ACOXL: variants seen among roughly 807,000 people sequenced by gnomAD.
ACOXL encodes the protein acyl-coenzyme A oxidase-like protein.
A neutral mutation model predicts 71.9 loss-of-function variants in ACOXL; 70 were observed. The observed-to-expected ratio is 0.97, with a 90% CI of 0.80 to 1.19. The LOEUF is 1.19. Ranked by LOEUF, ACOXL falls within the 50% of genes most tolerant of loss-of-function variation. ACOXL has a pLI of 0.00. For missense variants in ACOXL, 703 were observed against 736.3 expected (o/e 0.95, Z 0.52); for synonymous variants, 253 against 281.6 (o/e 0.90, Z 1.02).
chr2:111,049,344 C>T (rs1003166067), intron 16 of ACOXL, 56 bp downstream of exon 16: 1 of 1,350,210 alleles, frequency 7.4e-7, no homozygotes, highest in Non-Finnish European at 1.1e-6. Flanking sequence ...TTTTATTGCC[C>T]TGAGGAGAGT....
At chr2:110,882,463 T>A (rs1696781113) in intron 10 of ACOXL, among the ~76,000 whole-genome samples, 1 of 152,188 alleles carries the variant, frequency 6.6e-6, no homozygotes, top group Admixed American at 6.5e-5. Context: ...CAGAAGTTTT[T>A]AATTTTCATA....
intron 12 of ACOXL, among the ~76,000 whole-genome samples, chr2:110,972,297 G>A (rs1204818897): frequency 6.6e-6 from 1 of 152,108 alleles, no homozygotes; most frequent in Non-Finnish European, 1.5e-5. Context: ...AAGGAACCAG[G>A]GCATGGTCCA....
chr2:110,818,735 G>C lies in ACOXL; in HGVS notation c.753+13340G>C, dbSNP rs540759198. Among the ~76,000 whole-genome samples the C allele has an allele frequency of 8.5e-5, 13 of 152,180 alleles. No homozygotes were observed. In the East Asian group the frequency reaches 1.7e-3, roughly 20 times the overall value. On this transcript the variant is annotated intron_variant, in intron 9 of 17. Transcript: ENST00000439055. ...CTCCAGCTGGACTAAAGACATCTAA[G>C]CATTGGAGGGTGGAACATAGAAATT... is the stretch of plus-strand genomic sequence containing the variant.
At chr2:110,893,253 T>G (rs1444072081) in intron 10 of ACOXL, among the ~76,000 whole-genome samples, 1 of 152,076 alleles carries the variant, frequency 6.6e-6, no homozygotes, top group Non-Finnish European at 1.5e-5. Context: ...ATAAAGAGCT[T>G]CTATAAATAA....
At chr2:110,935,902 C>G (rs778592583) in intron 12 of ACOXL, among the ~76,000 whole-genome samples, 85 of 152,262 alleles carry the variant, frequency 5.6e-4, no homozygotes, top group Non-Finnish European at 1.1e-3. Flanking sequence ...TGAAACTGTT[C>G]TGCCTCAGAT....
intron 1 of ACOXL, among the ~76,000 whole-genome samples, chr2:110,740,481 G>A (rs189079798): frequency 5.0e-4 from 76 of 152,286 alleles, no homozygotes; most frequent in African/African-American, 7.5e-4. Flanking sequence ...CAGCCCCACA[G>A]TCACTTTTGG....
intron 14 of ACOXL, among the ~76,000 whole-genome samples, chr2:111,013,882 A>G (rs899690446): frequency 6.6e-6 from 1 of 152,240 alleles, no homozygotes; most frequent in African/African-American, 2.4e-5. Flanking sequence ...AATACATAAT[A>G]GAATACATCA....
At chr2:110,876,360 C>T (rs1276340888) in intron 10 of ACOXL, among the ~76,000 whole-genome samples, 1 of 152,180 alleles carries the variant, frequency 6.6e-6, no homozygotes, top group Non-Finnish European at 1.5e-5. Flanking sequence ...GGGAGCTCCC[C>T]CGAGGTGCCT....
At chr2:111,020,881 A>G (rs962474237) in intron 14 of ACOXL, among the ~76,000 whole-genome samples, 3 of 152,202 alleles carry the variant, frequency 2.0e-5, no homozygotes, top group Non-Finnish European at 2.9e-5. Flanking sequence ...GTAAAAGCAG[A>G]ATGTCTTTCT....
At chr2:110,891,102 T>TTTTTA (rs1697881462) in intron 10 of ACOXL, among the ~76,000 whole-genome samples, 2 of 152,184 alleles carry the variant, frequency 1.3e-5, no homozygotes, top group African/African-American at 2.4e-5. Context: ...ATACAATTAA[T>TTTTTA]TTTTGTATAT....
chr2:110,976,103 G>A (rs1053437186), intron 12 of ACOXL, among the ~76,000 whole-genome samples: 8 of 152,170 alleles, frequency 5.3e-5, no homozygotes, highest in African/African-American at 1.9e-4. Flanking sequence ...AAACAACCTG[G>A]AGAATTTCAG....
intron 11 of ACOXL, among the ~76,000 whole-genome samples, chr2:110,918,457 A>G (rs2059944451): frequency 1.3e-5 from 2 of 152,242 alleles, no homozygotes; most frequent in African/African-American, 2.4e-5. Flanking sequence ...ATCCTAGAAG[A>G]CAACCTAGGC....
chr2:110,769,898 A>C (rs1681660551), intron 2 of ACOXL, among the ~76,000 whole-genome samples: 1 of 152,024 alleles, frequency 6.6e-6, no homozygotes, highest in Non-Finnish European at 1.5e-5. Flanking sequence ...AATACTAGCC[A>C]GGCATGGTGG....
At chr2:110,758,180 TTG>T (rs1335723130) in intron 1 of ACOXL, among the ~76,000 whole-genome samples, 1 of 152,226 alleles carries the variant, frequency 6.6e-6, no homozygotes, top group African/African-American at 2.4e-5. Flanking sequence ...TTTGTCAGGT[TTG>T]TCAAAGATTA....
chr2:110,826,760 T>TTC (rs1340404452), intron 9 of ACOXL, among the ~76,000 whole-genome samples: 4 of 145,270 alleles, frequency 2.8e-5, no homozygotes, highest in African/African-American at 1.1e-4. Flanking sequence ...TGCTTTTTTT[T>TTC]TTTTTTTCCT....
chr2:110,868,931 T>C (rs1236233176), intron 10 of ACOXL, among the ~76,000 whole-genome samples: 1 of 152,160 alleles, frequency 6.6e-6, no homozygotes, highest in African/African-American at 2.4e-5. Context: ...AAGGCTGATG[T>C]ATTTTCCAAA....
intron 16 of ACOXL, among the ~76,000 whole-genome samples, chr2:111,061,077 A>G (rs1006102304): frequency 2.6e-5 from 4 of 152,144 alleles, no homozygotes; most frequent in African/African-American, 9.7e-5. Context: ...AGGAAAAGAT[A>G]AAAAAAGAAG....
chr2:111,034,458 C>T (rs1175364350), intron 15 of ACOXL, among the ~76,000 whole-genome samples: 1 of 152,124 alleles, frequency 6.6e-6, no homozygotes, highest in African/African-American at 2.4e-5. Flanking sequence ...TGGCACAGTA[C>T]AAAATAAATC....
chr2:110,735,343 G>A (rs996348108), intron 1 of ACOXL, among the ~76,000 whole-genome samples: 2 of 152,172 alleles, frequency 1.3e-5, no homozygotes, highest in Non-Finnish European at 2.9e-5. Context: ...ATCTCCTGTG[G>A]CTTGTCCCCA....
Sources: allele counts gnomAD v4.1 joint callset (sites outside exome capture counted in the v4.1 genomes callset), GRCh38; gene constraint gnomAD v4.1.1; transcripts MANE v1.5; gene names NCBI Gene and HGNC (gene_info 2026-07-23, HGNC 2026-07-21).